WDHD1: variants seen among roughly 807,000 people sequenced by gnomAD.
The protein encoded by WDHD1 is WD repeat and HMG-box DNA binding protein 1.
In WDHD1, 111 loss-of-function variants were observed where a neutral mutation model predicts 135.4. The observed-to-expected ratio is 0.82, with a 90% CI of 0.70 to 0.96. The LOEUF (loss-of-function observed/expected upper bound fraction) is 0.96, where lower values mean the gene tolerates loss of function less well. Ranked by LOEUF, WDHD1 falls within the 40% of genes least tolerant of loss-of-function variation. WDHD1 has a pLI of 0.00. For missense variants in WDHD1, 1,351 were observed against 1,336.3 expected (o/e 1.01, Z -0.17); for synonymous variants, 434 against 439.0 (o/e 0.99, Z 0.14).
intron 7 of WDHD1, among the ~76,000 whole-genome samples, chr14:55,006,385 T>C (rs980490851): frequency 2.6e-5 from 4 of 152,216 alleles, no homozygotes; most frequent in Non-Finnish European, 5.9e-5. Context: ...TAAAAGTAAA[T>C]GCATTATTTT....
chr14:54,957,636 C>T lies in WDHD1; in HGVS notation c.2702-1G>A. On this transcript the variant is annotated splice_acceptor_variant, in intron 21 of 25. Coordinates refer to ENST00000360586, the MANE Select transcript of WDHD1 (RefSeq NM_007086.4). LOFTEE classifies it high-confidence loss of function. ...CCTTGGCTGCTAAAGGTAACTGCACCTTTCACAAAAAAGAAACCCTTGCTT... is the reference window on the plus strand; with the variant it reads ...CCTTGGCTGCTAAAGGTAACTGCACTTTTCACAAAAAAGAAACCCTTGCTT... The T allele has an allele frequency of 2.5e-6, 4 of 1,604,752 alleles. No homozygotes were observed. The highest frequency in any genetic ancestry group is 3.4e-6 in the Non-Finnish European group (4 of 1,177,470).
chr14:54,957,154 T>G lies in WDHD1; in HGVS notation c.2796A>C (p.Ser932=). 1 of 1,614,176 alleles carries G rather than the reference T, an allele frequency of 6.2e-7. No individual in the cohort carries two copies. The highest frequency in any genetic ancestry group is 8.5e-7 in the Non-Finnish European group (1 of 1,180,016). Residue 932 remains serine, a synonymous_variant, in exon 23 of 26, where the codon TCA becomes TCC. Transcript: ENST00000360586. ...TGCCCATATTGTCTAAAATATTAGT[T>G]GAACGTGCTGAATTCATTGACATGG... ...EPAMSMNSAR[S]TNILDNMGKS... is the part of the protein sequence containing the mutation.
chr14:55,004,564 T>C (rs966568718), intron 7 of WDHD1, among the ~76,000 whole-genome samples: 2 of 152,178 alleles, frequency 1.3e-5, no homozygotes, highest in South Asian at 2.1e-4. Context: ...GCAATTCTTA[T>C]GCCTGAGACT....
chr14:54,953,672 C>T (rs554174091), intron 24 of WDHD1, among the ~76,000 whole-genome samples: 273 of 152,254 alleles, frequency 1.8e-3, no homozygotes, highest in Middle Eastern at 6.8e-3. Context: ...CACATGCACA[C>T]GTATGTTTAT....
intron 24 of WDHD1, among the ~76,000 whole-genome samples, chr14:54,953,289 AC>A (rs920921493): frequency 1.4e-4 from 21 of 152,148 alleles, no homozygotes; most frequent in African/African-American, 4.3e-4. Context: ...AAAAAAACAA[AC>A]CCAATCAAAA....
At position 54,980,091 on chromosome 14, in the gene WDHD1, G is replaced by A. The variant is rs149543175; in HGVS notation, c.2063+1449C>T. ...TGTAATCCCAACACTTTGGGAGGCCGAGGCGGGAAGATCCCTTAAGCCCAG... is the reference window on the plus strand; with the variant it reads ...TGTAATCCCAACACTTTGGGAGGCCAAGGCGGGAAGATCCCTTAAGCCCAG... On this transcript the variant is annotated intron_variant, in intron 16 of 25. Transcript: ENST00000360586. 6.3e-3 allele frequency among the ~76,000 whole-genome samples: 966 copies of A among 152,174 alleles called. 9 individuals carry two copies. Among genetic ancestry groups the A allele is most frequent in the African/African-American group, 0.022 (909 of 41,520 alleles).
At chr14:54,995,429 A>C (rs1034408888) in intron 11 of WDHD1, among the ~76,000 whole-genome samples, 174 bp downstream of exon 11, 1 of 152,156 alleles carries the variant, frequency 6.6e-6, no homozygotes, top group African/African-American at 2.4e-5. Context: ...CCATAGCAGA[A>C]GCTTGGATTA....
rs551703102 is a variant in WDHD1 at position 54,951,854 on chromosome 14, G to A, written c.3050+3707C>T. Among the ~76,000 whole-genome samples the A allele has an allele frequency of 3.3e-5, 5 of 152,218 alleles. No individual in the cohort carries two copies. The South Asian group carries it at 6.2e-4, about 19-fold the overall frequency. On this transcript the variant is annotated intron_variant, in intron 24 of 25. Coordinates refer to ENST00000360586, the MANE Select transcript of WDHD1 (RefSeq NM_007086.4). The stretch of plus-strand genomic sequence containing the variant: ...GTTCAACATTCGCAAATAAATAAAC[G>A]TAATCCAGCATATAAACAGAACCAA...
chr14:55,014,183 TC>T (rs559085665), intron 2 of WDHD1, among the ~76,000 whole-genome samples: 58 of 152,318 alleles, frequency 3.8e-4, no homozygotes, highest in African/African-American at 1.3e-3. Flanking sequence ...ACCCTCCGCC[TC>T]CCAGGCTCAA....
chr14:55,005,461 G>A (rs1359305876), intron 7 of WDHD1: 1 of 567,338 alleles, frequency 1.8e-6, no homozygotes, highest in African/African-American at 1.9e-5. Flanking sequence ...TGGATGATAT[G>A]ACACTGACAT....
In WDHD1 at chr14:54,941,364, T is replaced by C. The variant is rs748092913; in HGVS notation, c.*126A>G. ...CCAATATAATTACTACATTATCTTA[T>C]AAAGACAAACAGTTGCTTCAAACTC... On this transcript the variant is annotated 3_prime_UTR_variant, in exon 26 of 26. Transcript: ENST00000360586. 7.8e-6 allele frequency: 6 copies of C among 770,232 alleles called. No individual in the cohort carries two copies. The highest frequency in any genetic ancestry group is 1.2e-5 in the Non-Finnish European group (6 of 509,030). The allele number at this position is 770,232 out of a possible 1,614,324, so 47.7% of individuals were successfully genotyped here.
intron 16 of WDHD1, among the ~76,000 whole-genome samples, chr14:54,976,810 CAAGTTT>C (rs1486823545): frequency 6.6e-6 from 1 of 151,844 alleles, no homozygotes; most frequent in African/African-American, 2.4e-5. Context: ...TATTCTTATT[CAAGTTT>C]ATTATTCCAG....
intron 2 of WDHD1, among the ~76,000 whole-genome samples, chr14:55,014,353 G>A (rs2042225840): frequency 1.3e-5 from 2 of 152,182 alleles, no homozygotes; most frequent in South Asian, 4.1e-4. Context: ...ACCTCCCAAA[G>A]TCAAGGGATT....
Position 55,002,503 on chromosome 14 carries a change from A to G in WDHD1, c.601-318T>C, listed in dbSNP as rs535261326. Among the ~76,000 whole-genome samples the G allele has an allele frequency of 2.6e-5, 4 of 152,340 alleles. No individual in the cohort carries two copies. In the South Asian group the frequency reaches 8.3e-4, roughly 32 times the overall value. ...TACTTAAAACTTCAATAAGCAAAAA[A>G]TAGGTGATAATTTGTCATGGGAAGA... On this transcript the variant is annotated intron_variant, in intron 7 of 25. Transcript: ENST00000360586.
intron 24 of WDHD1, among the ~76,000 whole-genome samples, chr14:54,949,652 T>A (rs1436696185): frequency 6.6e-6 from 1 of 152,028 alleles, no homozygotes; most frequent in African/African-American, 2.4e-5. Context: ...ATACAGAGAA[T>A]GCCACAAAGA....
chr14:55,003,451 G>A (rs2042009252), intron 7 of WDHD1, among the ~76,000 whole-genome samples: 1 of 151,920 alleles, frequency 6.6e-6, no homozygotes, highest in Non-Finnish European at 1.5e-5. Flanking sequence ...GGAGGCAGAG[G>A]TTGCAGTGAA....
At chr14:54,960,505 CTTA>C (rs1202931120) in intron 21 of WDHD1, among the ~76,000 whole-genome samples, 13 of 149,802 alleles carry the variant, frequency 8.7e-5, no homozygotes, top group Non-Finnish European at 1.3e-4. Flanking sequence ...TTTACTTCTT[CTTA>C]TTATTATTTT....
chr14:54,988,862 CAT>C (rs1428102609), intron 13 of WDHD1, among the ~76,000 whole-genome samples, 164 bp downstream of exon 13: 2 of 151,968 alleles, frequency 1.3e-5, no homozygotes, highest in African/African-American at 4.8e-5. Context: ...CAAAAACAGA[CAT>C]ATGTTCTGAG....
At chr14:54,978,575 ACC>A (rs1196500671) in intron 16 of WDHD1, among the ~76,000 whole-genome samples, 1 of 151,304 alleles carries the variant, frequency 6.6e-6, no homozygotes, top group East Asian at 1.9e-4. Flanking sequence ...AATGAGTGAT[ACC>A]CTGGCTCTAA....
Sources: allele counts gnomAD v4.1 joint callset (sites outside exome capture counted in the v4.1 genomes callset), GRCh38; gene constraint gnomAD v4.1.1; transcripts MANE v1.5; gene names NCBI Gene and HGNC (gene_info 2026-07-23, HGNC 2026-07-21).